SNX8: variants seen among roughly 807,000 people sequenced by gnomAD.
SNX8 encodes the protein sorting nexin-8.
A neutral mutation model predicts 51.6 loss-of-function variants in SNX8; 25 were observed. The ratio of observed to expected loss-of-function variants is 0.48; its 90% confidence interval spans 0.35 to 0.68. SNX8 has a LOEUF of 0.68. SNX8 is among the 30% of genes least tolerant of loss of function. The pLI is 0.00. For missense variants in SNX8, 695 were observed against 624.0 expected (o/e 1.11, Z -1.21); for synonymous variants, 324 against 277.0 (o/e 1.17, Z -1.68).
At chr7:2,301,865 A>T (rs926576099) in intron 1 of SNX8, among the ~76,000 whole-genome samples, 14 of 152,070 alleles carry the variant, frequency 9.2e-5, no homozygotes, top group African/African-American at 3.4e-4. Context: ...CTCTGAAGTG[A>T]GGCTAGGACT....
At chr7:2,307,193 C>T (rs1455749250) in intron 1 of SNX8, among the ~76,000 whole-genome samples, 1 of 152,158 alleles carries the variant, frequency 6.6e-6, no homozygotes, top group African/African-American at 2.4e-5. Flanking sequence ...CAAAAGGGAC[C>T]CTACCTGATA....
At position 2,252,501 on chromosome 7, in the gene SNX8, G is replaced by A. The variant is rs1264909357; in HGVS notation, c.*2555C>T. On this transcript the variant is annotated 3_prime_UTR_variant, in exon 11 of 11. Transcript: ENST00000222990. ...CTTTAGAAGGCACTGGGTGGCAGAG[G>A]AGGAAGGGGAGGGAGGTGTTCCAAA... is the stretch of plus-strand genomic sequence containing the variant. 6.6e-6 allele frequency: 1 copy of A among 152,416 alleles called. No individual in the cohort carries two copies. Among genetic ancestry groups the A allele is most frequent in the Admixed American group, 6.5e-5 (1 of 15,278 alleles). 9.4% of individuals were successfully genotyped at this position (152,416 alleles called of 1,614,324 possible).
chr7:2,282,948 C>G (rs372972445), intron 1 of SNX8, among the ~76,000 whole-genome samples: 5 of 151,910 alleles, frequency 3.3e-5, no homozygotes, highest in East Asian at 1.9e-4. Context: ...GGTGAAACCC[C>G]GTCTCTACTA....
intron 2 of SNX8, among the ~76,000 whole-genome samples, chr7:2,276,019 C>T (rs1271274999): frequency 6.6e-6 from 1 of 150,726 alleles, no homozygotes; most frequent in Non-Finnish European, 1.5e-5. Flanking sequence ...AAAAACTAAA[C>T]AAATGGTATG....
intron 1 of SNX8, among the ~76,000 whole-genome samples, chr7:2,297,951 C>G (rs1796308732): frequency 6.6e-6 from 1 of 151,794 alleles, no homozygotes. Flanking sequence ...ATTTTGGTGA[C>G]AAGTACAATA....
intron 1 of SNX8, among the ~76,000 whole-genome samples, chr7:2,285,507 T>C (rs1358498704): frequency 4.6e-5 from 7 of 152,150 alleles, no homozygotes; most frequent in Non-Finnish European, 1.5e-5. Flanking sequence ...ACATGAGAGT[T>C]TGGCAGCTCT....
chr7:2,264,592 C>T (rs1795421691), intron 5 of SNX8, 134 bp from the exon 6 acceptor site: 8 of 711,526 alleles, frequency 1.1e-5, no homozygotes, highest in Admixed American at 1.1e-4. Flanking sequence ...AGCCCCACTC[C>T]TCCAGGCCTG....
chr7:2,311,451 G>T (rs892538954), intron 1 of SNX8, among the ~76,000 whole-genome samples: 8 of 152,118 alleles, frequency 5.3e-5, no homozygotes, highest in African/African-American at 1.9e-4. Context: ...TCTAGCGCCT[G>T]GGCTCGGGCG....
At chr7:2,322,296 G>C (rs1016285237) in intron 1 of SNX8, among the ~76,000 whole-genome samples, 12 of 152,280 alleles carry the variant, frequency 7.9e-5, no homozygotes, top group Admixed American at 5.2e-4. Context: ...GCTTTGGGAG[G>C]CCAAGGCAGG....
Position 2,253,643 on chromosome 7 carries a change from G to GGCT in SNX8, c.*1412_*1413insAGC, listed in dbSNP as rs778463509. The GGCT allele has an allele frequency of 3.3e-3, 510 of 152,928 alleles. 3 individuals carry two copies. The highest frequency in any genetic ancestry group is 5.7e-3 in the Non-Finnish European group (389 of 68,542). 9.5% of individuals were successfully genotyped at this position (152,928 alleles called of 1,614,324 possible). A position where few individuals can be genotyped will look rare whatever the true frequency, so the allele number is the denominator to read the frequency against. ...CCACAGGGCAGGGCAGGCTGGGCCCGAGCCCCACAGCCACCGAGTCAGCAC... is the reference window on the plus strand; with the variant it reads ...CCACAGGGCAGGGCAGGCTGGGCCCGGCTAGCCCCACAGCCACCGAGTCAGCAC... On this transcript the variant is annotated 3_prime_UTR_variant, in exon 11 of 11. Transcript: ENST00000222990.
intron 2 of SNX8, among the ~76,000 whole-genome samples, chr7:2,275,451 G>C (rs778963432): frequency 2.0e-5 from 3 of 152,198 alleles, no homozygotes; most frequent in Admixed American, 6.5e-5. Context: ...TGTAATCTCA[G>C]CATTCTGGGA....
At chr7:2,311,130 A>C (rs1466689087) in intron 1 of SNX8, among the ~76,000 whole-genome samples, 1 of 152,106 alleles carries the variant, frequency 6.6e-6, no homozygotes, top group Non-Finnish European at 1.5e-5. Context: ...ATAGAATGAG[A>C]CTCTTAATGT....
chr7:2,254,845 G>C lies in SNX8; in HGVS notation c.*211C>G. ...CCCACCACCTCTCTCGACCAGGCTA[G>C]CAGGCCACAGGGCGAAGGACAGTGT... is the stretch of plus-strand genomic sequence containing the variant. On this transcript the variant is annotated 3_prime_UTR_variant, in exon 11 of 11. Coordinates refer to ENST00000222990, the MANE Select transcript of SNX8 (RefSeq NM_013321.4). The C allele has an allele frequency of 3.4e-6, 2 of 594,814 alleles. No homozygotes were observed. Among genetic ancestry groups the C allele is most frequent in the South Asian group, 3.9e-5 (2 of 51,290 alleles). 36.8% of individuals were successfully genotyped at this position (594,814 alleles called of 1,614,324 possible). A position where few individuals can be genotyped will look rare whatever the true frequency, so the allele number is the denominator to read the frequency against.
intron 1 of SNX8, among the ~76,000 whole-genome samples, chr7:2,303,759 G>A (rs928443262): frequency 2.0e-5 from 3 of 151,972 alleles, no homozygotes; most frequent in African/African-American, 7.3e-5. Context: ...AAGGCAGCAT[G>A]CTCGTTAAGA....
intron 1 of SNX8, chr7:2,308,020 G>A (rs1796584624): frequency 2.0e-5 from 3 of 151,914 alleles, no homozygotes; most frequent in Admixed American, 6.6e-5. Context: ...AAATTGACAC[G>A]TTTTACCTTG....
At chr7:2,271,266 G>C (rs1051773246) in intron 4 of SNX8, among the ~76,000 whole-genome samples, 1 of 152,220 alleles carries the variant, frequency 6.6e-6, no homozygotes, top group Admixed American at 6.5e-5. Flanking sequence ...GGTCTCAAAC[G>C]CCTGGGCTTA....
At chr7:2,281,993 T>G (rs1053436138) in intron 1 of SNX8, among the ~76,000 whole-genome samples, 4 of 152,128 alleles carry the variant, frequency 2.6e-5, no homozygotes, top group African/African-American at 9.7e-5. Flanking sequence ...ACCCGGAACC[T>G]GGACTTGGAA....
chr7:2,333,430 T>C (rs987606765), intron 1 of SNX8, among the ~76,000 whole-genome samples: 12 of 151,094 alleles, frequency 7.9e-5, no homozygotes, highest in African/African-American at 2.9e-4. Flanking sequence ...CATGGTGGTG[T>C]GCGCGCCTGT....
chr7:2,254,690 T>A lies in SNX8; in HGVS notation c.*366A>T. 1 of 298,420 alleles carries A rather than the reference T, an allele frequency of 3.4e-6. No individual in the cohort carries two copies. Among genetic ancestry groups the A allele is most frequent in the Non-Finnish European group, 6.4e-6 (1 of 156,168 alleles). The allele number at this position is 298,420 out of a possible 1,614,324, so 18.5% of individuals were successfully genotyped here. ...CTCGGCTGACCGAGCACCATGATGC[T>A]GCCCCTCCCGACTGTTCCAGCACCT... On this transcript the variant is annotated 3_prime_UTR_variant, in exon 11 of 11. Coordinates refer to ENST00000222990, the MANE Select transcript of SNX8 (RefSeq NM_013321.4).
Sources: allele counts gnomAD v4.1 joint callset (sites outside exome capture counted in the v4.1 genomes callset), GRCh38; gene constraint gnomAD v4.1.1; transcripts MANE v1.5; gene names NCBI Gene and HGNC (gene_info 2026-07-23, HGNC 2026-07-21).